SPANXN4: variants seen among roughly 807,000 people sequenced by gnomAD.
SPANXN4 encodes the protein sperm protein associated with the nucleus on the X chromosome N4.
A neutral mutation model predicts 6.0 loss-of-function variants in SPANXN4; 5 were observed. The observed-to-expected ratio is 0.83, with a 90% confidence interval of 0.44 to 1.75. The LOEUF (loss-of-function observed/expected upper bound fraction) is 1.75. Ranked by LOEUF, SPANXN4 falls within the 40% of genes most tolerant of loss-of-function variation. SPANXN4 has a pLI of 0.02. For missense variants in SPANXN4, 157 were observed against 108.6 expected, an observed-to-expected ratio of 1.45 and a Z score of -1.98; for synonymous variants, 45 against 38.0, an observed-to-expected ratio of 1.19 and a Z score of -0.68.
chrX:143,034,131 G>T lies in SPANXN4; in HGVS notation c.182G>T (p.Arg61Ile), dbSNP rs367910737. The change falls in exon 2 of 3, where the codon AGA (arginine) becomes ATA (isoleucine). Residue 61 changes from arginine (R) to isoleucine (I), a missense_variant. Arg to Ile is a moderately conservative substitution (Grantham distance 97). Coordinates refer to ENST00000370504, the Ensembl canonical transcript of SPANXN4. The stretch of plus-strand genomic sequence containing the variant: ...TTTTACTGCAGGAAGAATAAGAAAA[G>T]AAATTCAAATCAACTGGAGAATAAC... The T allele has an allele frequency of 9.3e-6, 11 of 1,178,187 alleles. No homozygotes were observed. The Admixed American group carries it at 9.9e-5, about 11-fold the overall frequency.
chrX:143,031,845 A>T lies in SPANXN4; in HGVS notation c.79-2183A>T, dbSNP rs139477395. Among the ~76,000 whole-genome samples, 554 of 111,558 alleles carry T rather than the reference A, an allele frequency of 5.0e-3. 1 individual carries two copies. Among genetic ancestry groups the T allele is most frequent in the Non-Finnish European group, 9.1e-3 (481 of 53,126 alleles). Reference sequence around the variant, plus strand: ...TGACTGGGAGATAAAGTGTAAATGAAGGTGGATTTTGCCCTTATTGGTATC... The same window carrying T: ...TGACTGGGAGATAAAGTGTAAATGATGGTGGATTTTGCCCTTATTGGTATC... On this transcript the variant is annotated intron_variant, in intron 1 of 2. Transcript: ENST00000370504.
At chrX:143,035,352 G>A (rs1043108204), downstream of SPANXN4, among the ~76,000 whole-genome samples, 20 of 109,429 alleles carry the variant, frequency 1.8e-4, no homozygotes, top group Non-Finnish European at 3.2e-4. Flanking sequence ...ATTGTTTGTG[G>A]ACATTTGTTT....
chrX:143,028,740 C>T (rs917665358), intron 1 of SPANXN4, among the ~76,000 whole-genome samples: 1 of 110,805 alleles, frequency 9.0e-6, no homozygotes, highest in Non-Finnish European at 1.9e-5. Context: ...GTGGGTGAAG[C>T]TGATTTGTTA....
At chrX:143,025,976 G>C in exon 1 of SPANXN4, 2 of 1,172,583 alleles carry the variant, frequency 1.7e-6, no homozygotes, top group Non-Finnish European at 2.3e-6. Flanking sequence ...CTGCACCCTA[G>C]AAGATCCTAG....
At chrX:143,026,226 C>G (rs950378398) in intron 1 of SPANXN4, 134 bp downstream of exon 1, 2 of 527,741 alleles carry the variant, frequency 3.8e-6, no homozygotes, top group Non-Finnish European at 3.1e-6. Flanking sequence ...CAGAGCCCAC[C>G]GCTACATACA....
chrX:143,026,212 A>G, intron 1 of SPANXN4, 120 bp downstream of exon 1: 1 of 594,168 alleles, frequency 1.7e-6, no homozygotes, highest in Non-Finnish European at 2.6e-6. Context: ...GGCCAGCTTC[A>G]TGCCAGAGCC....
chrX:143,037,399 T>G (rs1469574632), downstream of SPANXN4, among the ~76,000 whole-genome samples: 1 of 111,580 alleles, frequency 9.0e-6, no homozygotes, highest in East Asian at 2.8e-4. Context: ...GGGCGAATTC[T>G]TCCGTGAGCC....
At chrX:143,029,386 A>G (rs777744475) in intron 1 of SPANXN4, among the ~76,000 whole-genome samples, 10 of 111,570 alleles carry the variant, frequency 9.0e-5, no homozygotes, top group Admixed American at 6.6e-4. Context: ...CTAGGGTGAG[A>G]TCCTGGGTTA....
intron 1 of SPANXN4, among the ~76,000 whole-genome samples, chrX:143,032,299 C>T (rs1463447369): frequency 1.8e-5 from 2 of 111,371 alleles, no homozygotes; most frequent in Non-Finnish European, 3.8e-5. Context: ...TCATGATCTC[C>T]TGCAAGGGAA....
In SPANXN4 at chrX:143,028,800, G is replaced by T. The variant is rs186357252; in HGVS notation, c.78+2708G>T. 6.3e-5 allele frequency among the ~76,000 whole-genome samples: 7 copies of T among 111,168 alleles called. No homozygotes were observed. In the East Asian group the frequency reaches 2.0e-3, roughly 32 times the overall value. ...GGCCTGGTGTGTGGGAAAGGAGATG[G>T]TTTGATAGCTTCCTGAGGGGAAGTT... On this transcript the variant is annotated intron_variant, in intron 1 of 2. Transcript: ENST00000370504.
downstream of SPANXN4, among the ~76,000 whole-genome samples, chrX:143,035,961 T>A (rs1293311328): frequency 9.5e-6 from 1 of 105,764 alleles, no homozygotes; most frequent in African/African-American, 3.5e-5. Context: ...ATTCTCCACC[T>A]CTGTCTATTG....
In SPANXN4 at chrX:143,026,550, T is replaced by C. The variant is rs1045870775; in HGVS notation, c.78+458T>C. On this transcript the variant is annotated intron_variant, in intron 1 of 2. Transcript: ENST00000370504. ...TACAAGAGAGTGCAGTTTAGACTGATATTCTTGCCTTCTACTTTATCATAA... is the reference window on the plus strand; with the variant it reads ...TACAAGAGAGTGCAGTTTAGACTGACATTCTTGCCTTCTACTTTATCATAA... 4.2e-4 allele frequency among the ~76,000 whole-genome samples: 47 copies of C among 111,860 alleles called. 1 individual carries two copies. Among genetic ancestry groups the C allele is most frequent in the African/African-American group, 1.3e-3 (40 of 30,752 alleles).
At chrX:143,029,135 C>T (rs1207415869) in intron 1 of SPANXN4, among the ~76,000 whole-genome samples, 1 of 111,171 alleles carries the variant, frequency 9.0e-6, no homozygotes, top group Non-Finnish European at 1.9e-5. Context: ...GGCTGCTGAA[C>T]GTGTTTAGAA....
chrX:143,028,671 C>A (rs1249749064), intron 1 of SPANXN4, among the ~76,000 whole-genome samples: 1 of 110,291 alleles, frequency 9.1e-6, no homozygotes. Context: ...AGCTTTTATC[C>A]ATCCAGAGAA....
At chrX:143,032,082 T>C (rs949682601) in intron 1 of SPANXN4, among the ~76,000 whole-genome samples, 6 of 112,068 alleles carry the variant, frequency 5.4e-5, no homozygotes, top group Non-Finnish European at 1.1e-4. Flanking sequence ...TAGACAGCCA[T>C]CCAGATGCAT....
chrX:143,031,953 G>T (rs878956236), intron 1 of SPANXN4, among the ~76,000 whole-genome samples: 1 of 111,801 alleles, frequency 8.9e-6, no homozygotes, highest in African/African-American at 3.3e-5. Context: ...GTATGGCCTT[G>T]TTTTTGTCTG....
At chrX:143,035,477 A>C (rs980395164), downstream of SPANXN4, among the ~76,000 whole-genome samples, 1 of 110,473 alleles carries the variant, frequency 9.1e-6, no homozygotes. Context: ...ATATTATATA[A>C]ATTTAAGAAA....
chrX:143,033,880 T>A (rs900206125), intron 1 of SPANXN4, 145 bp from the exon 2 acceptor site: 10 of 520,736 alleles, frequency 1.9e-5, no homozygotes, highest in African/African-American at 4.8e-5. Flanking sequence ...CATAGATCCC[T>A]ACCCTATGAT....
chrX:143,031,775 G>A (rs1215091361), intron 1 of SPANXN4, among the ~76,000 whole-genome samples: 30 of 91,020 alleles, frequency 3.3e-4, no homozygotes, highest in Admixed American at 2.8e-3. Flanking sequence ...GGAGGTTTGA[G>A]GGCCATCCTC....
Sources: allele counts gnomAD v4.1 joint callset (sites outside exome capture counted in the v4.1 genomes callset), GRCh38; gene constraint gnomAD v4.1.1; transcripts MANE v1.5; gene names NCBI Gene and HGNC (gene_info 2026-07-23, HGNC 2026-07-21).